The following AIRE variants were observed in gnomAD, a reference collection of about 807,000 sequenced individuals.
AIRE encodes the protein autoimmune polyendocrinopathy candidiasis ectodermal dystrophy protein.
Under a neutral mutation model 62.1 loss-of-function variants are expected in AIRE, and 52 were observed. The observed-to-expected ratio is 0.84, with a 90% CI of 0.67 to 1.06. The LOEUF is 1.06. AIRE is among the 50% of genes least tolerant of loss of function. The probability of loss-of-function intolerance (pLI) is 0.00; values close to 1 mark genes in which losing one functional copy is unlikely to be tolerated. For synonymous variants in AIRE, 342 were observed against 321.6 expected, an observed-to-expected ratio of 1.06 and a Z score of -0.68; for missense variants, 774 against 755.8, an observed-to-expected ratio of 1.02 and a Z score of -0.28.
At chr21:44,293,728 T>C in intron 10 of AIRE, 61 bp from the exon 11 acceptor site, 2 of 1,592,828 alleles carry the variant, frequency 1.3e-6, no homozygotes, top group Admixed American at 1.7e-5. Flanking sequence ...AGGGCTCGGG[T>C]TCGGGTTCAG....
Position 44,292,405 on chromosome 21 carries a change from T to A in AIRE, c.1095+4T>A. ...GGAGCCACCCGTGGAGACCCCGGTA[T>A]GGCCACGCCCCCTCCTAGCCGGGCC... is the stretch of plus-strand genomic sequence containing the variant. On this transcript the variant is annotated splice_donor_region_variant and intron_variant, in intron 9 of 13. Coordinates refer to ENST00000291582, the MANE Select transcript of AIRE (RefSeq NM_000383.4). 1.9e-6 allele frequency: 3 copies of A among 1,547,074 alleles called. No homozygotes were observed. Among genetic ancestry groups the A allele is most frequent in the Non-Finnish European group, 8.7e-7 (1 of 1,144,638 alleles).
intron 5 of AIRE, chr21:44,288,721 C>G (rs2040505845): frequency 2.1e-6 from 1 of 479,146 alleles, no homozygotes; most frequent in South Asian, 2.6e-5. Context: ...TCACCTCCAT[C>G]CATGTGCATG....
At chr21:44,288,321 C>T (rs769868098) in intron 4 of AIRE, 24 bp from the exon 5 acceptor site, 1 of 1,537,532 alleles carries the variant, frequency 6.5e-7, no homozygotes, top group Non-Finnish European at 9.0e-7. Flanking sequence ...CACGGGTGAC[C>T]CCAATGGGTG....
chr21:44,286,344 A>C lies in AIRE; in HGVS notation c.132+206A>C. 7.8e-6 allele frequency among the ~76,000 whole-genome samples: 1 copy of C among 128,620 alleles called. No homozygotes were observed. The allele number at this position is 128,620 out of a possible 152,430, so 84.4% of individuals were successfully genotyped here. A position where few individuals can be genotyped will look rare whatever the true frequency, so the allele number is the denominator to read the frequency against. ...CCAGCCGTCCCCACACCTCACCCCCAAGCCAAGGGAATGGCCTCCAGGTTC... is the reference window on the plus strand; with the variant it reads ...CCAGCCGTCCCCACACCTCACCCCCCAGCCAAGGGAATGGCCTCCAGGTTC... On this transcript the variant is annotated intron_variant, in intron 1 of 13. Coordinates refer to ENST00000291582, the MANE Select transcript of AIRE (RefSeq NM_000383.4). The surrounding 1 kb of genome is among the most constrained non-coding windows in gnomAD (Gnocchi z 6.0).
At position 44,285,944 on chromosome 21, in the gene AIRE, G is replaced by C. The variant is rs2040476686; in HGVS notation, c.-63G>C. On this transcript the variant is annotated 5_prime_UTR_variant, in exon 1 of 14. Coordinates refer to ENST00000291582, the MANE Select transcript of AIRE (RefSeq NM_000383.4). ...CCCGCCGGGACCCGAGGCCAAGCGA[G>C]GGGCTGCCAGTGTCCCGGGACCCAC... The C allele has an allele frequency of 6.8e-7, 1 of 1,478,390 alleles. No individual in the cohort carries two copies. The highest frequency in any genetic ancestry group is 2.1e-5 in the Admixed American group (1 of 46,948). 91.6% of individuals were successfully genotyped at this position (1,478,390 alleles called of 1,614,324 possible).
intron 13 of AIRE, among the ~76,000 whole-genome samples, chr21:44,296,850 C>T (rs2040615110): frequency 6.6e-6 from 1 of 152,118 alleles, no homozygotes; most frequent in Admixed American, 6.5e-5. Flanking sequence ...CAGACCCCGT[C>T]CCTCTAAGAT....
At chr21:44,295,859 C>T (rs1252629753) in intron 12 of AIRE, among the ~76,000 whole-genome samples, 1 of 149,574 alleles carries the variant, frequency 6.7e-6, no homozygotes, top group Non-Finnish European at 1.5e-5. Flanking sequence ...CTCGCAGCGC[C>T]AGTGTTCACC....
rs192215705 is a variant in AIRE, at chr21:44,297,651, C to T, written c.1567-5C>T. On this transcript the variant is annotated splice_region_variant and splice_polypyrimidine_tract_variant and intron_variant, in intron 13 of 13. Transcript: ENST00000291582. The surrounding 1 kb of genome is among the most constrained non-coding windows in gnomAD (Gnocchi z 4.8). The stretch of plus-strand genomic sequence containing the variant: ...GGAGGTTCTCACCGTCACTCTGTCC[C>T]GCAGCACACCTTCGATGGCATCCTG... 4,600 of 1,610,980 alleles carry T rather than the reference C, an allele frequency of 2.9e-3. 20 individuals are homozygous for T. The highest frequency in any genetic ancestry group is 9.3e-3 in the South Asian group (843 of 91,052).
At position 44,292,356 on chromosome 21, in the gene AIRE, C is replaced by G; in HGVS notation, c.1050C>G (p.Pro350=). The G allele has an allele frequency of 6.4e-7, 1 of 1,572,888 alleles. No individual in the cohort carries two copies. Among genetic ancestry groups the G allele is most frequent in the Non-Finnish European group, 8.6e-7 (1 of 1,159,336 alleles). Residue 350 remains proline, a synonymous_variant, in exon 9 of 14, where the codon CCC becomes CCG. Coordinates refer to ENST00000291582, the MANE Select transcript of AIRE (RefSeq NM_000383.4). ...CLQATVQEVQ[P]RAEEPRPQEP... is the part of the protein sequence containing the mutation. ...AGGCAACAGTCCAGGAGGTGCAGCC[C>G]CGGGCAGAGGAGCCCCGGCCCCAGG...
chr21:44,289,944 G>C (rs779098597), intron 6 of AIRE, 44 bp from the exon 7 acceptor site: 1 of 1,598,130 alleles, frequency 6.3e-7, no homozygotes, highest in South Asian at 1.1e-5. Context: ...GTGCACCCTC[G>C]CTGCTGAGGC....
Position 44,297,563 on chromosome 21 carries a change from A to C in AIRE, c.1567-93A>C. The C allele has an allele frequency of 1.7e-6, 2 of 1,191,496 alleles. No homozygotes were observed. The highest frequency in any genetic ancestry group is 1.8e-5 in the Admixed American group (1 of 56,650). 73.8% of individuals were successfully genotyped at this position (1,191,496 alleles called of 1,614,324 possible). A position where few individuals can be genotyped will look rare whatever the true frequency, so the allele number is the denominator to read the frequency against. On this transcript the variant is annotated intron_variant, in intron 13 of 13. Transcript: ENST00000291582. This position sits in a 1 kb window ranked among gnomAD's most constrained non-coding sequence, Gnocchi z 4.8. ...TTTCCCCACCTTTGACTTAGAGGGA[A>C]GGTTGGATGGTGACTTCTTGTAACG...
chr21:44,294,535 G>A (rs74162065), intron 12 of AIRE, 32 bp downstream of exon 12: 42 of 1,241,608 alleles, frequency 3.4e-5, no homozygotes, highest in South Asian at 1.1e-4. Flanking sequence ...CATGCATGCC[G>A]GTGCTGGGGG....
In AIRE at chr21:44,286,855, T is replaced by C. The variant is rs62220372; in HGVS notation, c.308-123T>C. 23,880 of 1,568,670 alleles carry C rather than the reference T, an allele frequency of 0.015. 458 individuals are homozygous for C. The highest frequency in any genetic ancestry group is 0.08 in the African/African-American group (5,945 of 73,908). On this transcript the variant is annotated intron_variant, in intron 2 of 13. Transcript: ENST00000291582. The surrounding 1 kb of genome is among the most constrained non-coding windows in gnomAD (Gnocchi z 6.0). ...CGTGGGTGATGTTCCAGGACCGTCT[T>C]GGATCCTAAGAGGCAAAGGGGCCAG...
At position 44,295,888 on chromosome 21, in the gene AIRE, TG is replaced by T. The variant is rs1400170902; in HGVS notation, c.1504-494del. Among the ~76,000 whole-genome samples the T allele has an allele frequency of 8.5e-5, 13 of 152,126 alleles. No homozygotes were observed. The East Asian group carries it at 2.5e-3, about 29-fold the overall frequency. On this transcript the variant is annotated intron_variant, in intron 12 of 13. Coordinates refer to ENST00000291582, the MANE Select transcript of AIRE (RefSeq NM_000383.4). ...GTTCACCCGAGTGGAGGAGCTGGGA[TG>T]TGGCTGTTTGGGGCCACAAATGGGG...
Position 44,288,511 on chromosome 21 carries a change from T to A in AIRE, c.652+53T>A. On this transcript the variant is annotated intron_variant, in intron 5 of 13. Coordinates refer to ENST00000291582, the MANE Select transcript of AIRE (RefSeq NM_000383.4). Reference sequence around the variant, plus strand: ...TGATGGGGAGACCCAGGCTCCAAGATGGAAGGAGGACCACGCCCCTTTGCA... The same window carrying A: ...TGATGGGGAGACCCAGGCTCCAAGAAGGAAGGAGGACCACGCCCCTTTGCA... The A allele has an allele frequency of 2.2e-6, 3 of 1,363,420 alleles. No individual in the cohort carries two copies. In the South Asian group the frequency reaches 3.5e-5, roughly 16 times the overall value. 84.5% of individuals were successfully genotyped at this position (1,363,420 alleles called of 1,614,324 possible).
At position 44,287,145 on chromosome 21, in the gene AIRE, G is replaced by A. The variant is rs1466148815; in HGVS notation, c.463+12G>A. On this transcript the variant is annotated intron_variant, in intron 3 of 13. Coordinates refer to ENST00000291582, the MANE Select transcript of AIRE (RefSeq NM_000383.4). This position sits in a 1 kb window ranked among gnomAD's most constrained non-coding sequence, Gnocchi z 4.3. ...CACCGCCAGCCCAGGTACCCTCCCT[G>A]CAGGGGAAGCCAGCCAGGGTCTCCA... The A allele has an allele frequency of 1.9e-6, 3 of 1,611,546 alleles. No homozygotes were observed. The highest frequency in any genetic ancestry group is 2.2e-5 in the East Asian group (1 of 44,848).
At chr21:44,289,514 CG>C in intron 5 of AIRE, 142 bp from the exon 6 acceptor site, 63 of 1,115,422 alleles carry the variant, frequency 5.6e-5, no homozygotes, top group African/African-American at 4.0e-4. Context: ...GCCCCAGACT[CG>C]ACTGGGGTGG....
At chr21:44,296,523 G>A (rs1167077095) in intron 13 of AIRE, 78 bp downstream of exon 13, 3 of 1,368,898 alleles carry the variant, frequency 2.2e-6, no homozygotes, top group Non-Finnish European at 3.1e-6. Flanking sequence ...TCCCCACTCT[G>A]GGGGAGGACT....
intron 9 of AIRE, 33 bp downstream of exon 9, chr21:44,292,434 C>T: frequency 6.8e-7 from 1 of 1,471,854 alleles, no homozygotes; most frequent in Non-Finnish European, 9.3e-7. Context: ...CCGGGCCACC[C>T]CTCCTGTCCA....
Sources: gnomAD v4.1 joint callset for allele counts (sites outside exome capture counted in the v4.1 genomes callset) on GRCh38, gnomAD v4.1.1 for gene constraint, Gnocchi (gnomAD v3.1) non-coding constraint, MANE v1.5 for transcripts, NCBI Gene and HGNC (gene_info 2026-07-23, HGNC 2026-07-21) for gene names.